Variants in DIP2B observed in about 807,000 individuals in gnomAD.
DIP2B encodes DIP2 acetate--CoA ligase B (putative).
DIP2B carries 76 observed loss-of-function variants against 198.0 expected under a neutral mutation model. The observed-to-expected ratio is 0.38, with a 90% CI of 0.32 to 0.46. DIP2B has a LOEUF of 0.46. Ranked by LOEUF, DIP2B falls within the 20% of genes least tolerant of loss-of-function variation. The pLI is 0.99. For synonymous variants in DIP2B, 701 were observed against 739.1 expected (o/e 0.95, Z 0.84); for missense variants, 1,559 against 1,978.4 (o/e 0.79, Z 4.02).
At chr12:50,630,663 C>CTTTTTTTTTTTTT (rs11327858) in intron 2 of DIP2B, among the ~76,000 whole-genome samples, 3 of 74,566 alleles carry the variant, frequency 4.0e-5, no homozygotes, top group East Asian at 3.7e-4. Context: ...TCTTTCTTTT[C>CTTTTTTTTTTTTT]TTTTTTTTTT....
chr12:50,657,107 GTGTGGTGGCCCACACC>G, intron 3 of DIP2B: 1 of 151,316 alleles, frequency 6.6e-6, no homozygotes, highest in Middle Eastern at 3.4e-3. Flanking sequence ...AAAATGGCAG[GTGTGGTGGCCCACACC>G]TGTAATCCTA....
At chr12:50,560,465 G>C (rs936486897) in intron 1 of DIP2B, among the ~76,000 whole-genome samples, 1 of 152,158 alleles carries the variant, frequency 6.6e-6, no homozygotes, top group African/African-American at 2.4e-5. Flanking sequence ...CTACTTGGGA[G>C]GCTGAGGCAG....
At chr12:50,584,715 C>T (rs750085485) in intron 1 of DIP2B, among the ~76,000 whole-genome samples, 7 of 152,124 alleles carry the variant, frequency 4.6e-5, no homozygotes, top group East Asian at 1.9e-4. Flanking sequence ...AGATGTGTGC[C>T]GCCACACCTG....
intron 1 of DIP2B, among the ~76,000 whole-genome samples, chr12:50,569,780 A>G (rs1317899797): frequency 1.3e-5 from 2 of 152,140 alleles, no homozygotes; most frequent in Non-Finnish European, 2.9e-5. Context: ...GTAAATATTG[A>G]CCTCTCTACA....
At chr12:50,570,322 G>T (rs1958601845) in intron 1 of DIP2B, among the ~76,000 whole-genome samples, 1 of 152,152 alleles carries the variant, frequency 6.6e-6, no homozygotes. Context: ...GAGTGTTCTA[G>T]CGATATTAAT....
chr12:50,716,786 C>T (rs763716643), intron 23 of DIP2B, among the ~76,000 whole-genome samples: 1 of 151,990 alleles, frequency 6.6e-6, no homozygotes, highest in Non-Finnish European at 1.5e-5. Flanking sequence ...ATCTTTTTGC[C>T]ATCTTCTTAG....
intron 1 of DIP2B, among the ~76,000 whole-genome samples, chr12:50,534,369 ATTTT>A (rs72095442): frequency 9.3e-6 from 1 of 107,866 alleles, no homozygotes. Flanking sequence ...TTCTCATTTC[ATTTT>A]TTTTTTTTTT....
chr12:50,696,016 A>G (rs747602496), intron 16 of DIP2B, 49 bp downstream of exon 16: 5 of 1,610,980 alleles, frequency 3.1e-6, no homozygotes, highest in Non-Finnish European at 4.2e-6. Context: ...GTTTTGATAG[A>G]TTAGGGTTTT....
intron 23 of DIP2B, among the ~76,000 whole-genome samples, 153 bp from the exon 24 acceptor site, chr12:50,718,556 C>T (rs1049631517): frequency 7.9e-5 from 12 of 152,174 alleles, no homozygotes; most frequent in African/African-American, 2.9e-4. Flanking sequence ...AGGCTCTTTG[C>T]CCTATTTGCT....
In DIP2B at chr12:50,739,605, C is replaced by T; in HGVS notation, c.4354+19C>T. On this transcript the variant is annotated intron_variant, in intron 36 of 37. Coordinates refer to ENST00000301180, the MANE Select transcript of DIP2B (RefSeq NM_173602.3). ...ACTGGAGGTACTTCTGCAACAACTC[C>T]CCATTGACCCTGCTTTGTGTTTCTG... The T allele has an allele frequency of 6.2e-7, 1 of 1,610,932 alleles. No individual in the cohort carries two copies. The highest frequency in any genetic ancestry group is 8.5e-7 in the Non-Finnish European group (1 of 1,177,538).
chr12:50,525,069 CAG>C (rs764012532), intron 1 of DIP2B, among the ~76,000 whole-genome samples: 27 of 151,672 alleles, frequency 1.8e-4, no homozygotes, highest in South Asian at 1.3e-3. Context: ...TCAAGAGGGA[CAG>C]AGAAGGCTGG....
intron 5 of DIP2B, among the ~76,000 whole-genome samples, chr12:50,674,238 C>T (rs1938905579): frequency 6.6e-6 from 1 of 152,268 alleles, no homozygotes; most frequent in South Asian, 2.1e-4. Flanking sequence ...TTTGATCTTA[C>T]TAAGGCTACT....
rs182474248 is a variant in DIP2B, at chr12:50,732,682, C to T, written c.3981+146C>T. Reference sequence around the variant, plus strand: ...ACTTCGGGCTTTTAAATCTCGATTTCTTTGTGTCTCATTTTGCTCATCTGT... The same window carrying T: ...ACTTCGGGCTTTTAAATCTCGATTTTTTTGTGTCTCATTTTGCTCATCTGT... On this transcript the variant is annotated intron_variant, in intron 32 of 37. Coordinates refer to ENST00000301180, the MANE Select transcript of DIP2B (RefSeq NM_173602.3). 222 of 1,008,670 alleles carry T rather than the reference C, an allele frequency of 2.2e-4. 1 individual carries two copies. The Admixed American group carries it at 5.5e-3, about 25-fold the overall frequency. 62.5% of individuals were successfully genotyped at this position (1,008,670 alleles called of 1,614,324 possible).
chr12:50,528,434 C>T (rs1958187139), intron 1 of DIP2B, among the ~76,000 whole-genome samples: 1 of 149,254 alleles, frequency 6.7e-6, no homozygotes, highest in Non-Finnish European at 1.5e-5. Flanking sequence ...GACCTGCTTT[C>T]CAAAAAAAAA....
At chr12:50,634,064 A>G (rs926324434) in intron 2 of DIP2B, among the ~76,000 whole-genome samples, 5 of 152,186 alleles carry the variant, frequency 3.3e-5, no homozygotes, top group Non-Finnish European at 7.3e-5. Context: ...CACACCTCCC[A>G]TCTCTTGCTC....
At chr12:50,725,566 T>TAC (rs751291110) in intron 28 of DIP2B, among the ~76,000 whole-genome samples, 2 of 152,178 alleles carry the variant, frequency 1.3e-5, no homozygotes, top group Non-Finnish European at 2.9e-5. Context: ...TGAGTATCCG[T>TAC]ACTAACCTGT....
At chr12:50,737,788 A>G (rs1031377404) in intron 35 of DIP2B, among the ~76,000 whole-genome samples, 4 of 151,598 alleles carry the variant, frequency 2.6e-5, no homozygotes, top group African/African-American at 4.9e-5. Context: ...GGGTTTTACT[A>G]TGTTGCCCAG....
intron 1 of DIP2B, among the ~76,000 whole-genome samples, chr12:50,593,699 T>C (rs1263443019): frequency 8.3e-5 from 5 of 60,482 alleles, no homozygotes; most frequent in African/African-American, 1.4e-4. Flanking sequence ...TTTTCTCCTC[T>C]CCTCTCCCCT....
At chr12:50,658,904 T>C (rs1938598362) in intron 3 of DIP2B, among the ~76,000 whole-genome samples, 1 of 152,154 alleles carries the variant, frequency 6.6e-6, no homozygotes, top group South Asian at 2.1e-4. Context: ...CTGACCAAGA[T>C]GGTGAAACCC....
Sources: gnomAD v4.1 joint callset for allele counts (sites outside exome capture counted in the v4.1 genomes callset) on GRCh38, gnomAD v4.1.1 for gene constraint, MANE v1.5 for transcripts, NCBI Gene and HGNC (gene_info 2026-07-23, HGNC 2026-07-21) for gene names.